Variants in GPC5 observed in about 807,000 individuals in gnomAD.
GPC5 encodes the protein glypican-5.
Under a neutral mutation model 53.9 loss-of-function variants are expected in GPC5, and 47 were observed. That is an observed-to-expected ratio of 0.87 (90% CI 0.69 to 1.11). The LOEUF (loss-of-function observed/expected upper bound fraction) is 1.11, where lower values mean the gene tolerates loss of function less well. Ranked by LOEUF, GPC5 falls within the 50% of genes most tolerant of loss-of-function variation. The pLI is 0.00. For synonymous variants in GPC5, 286 were observed against 263.3 expected, an observed-to-expected ratio of 1.09 and a Z score of -0.84; for missense variants, 748 against 713.1, an observed-to-expected ratio of 1.05 and a Z score of -0.56.
chr13:91,436,695 T>G (rs1276127019), intron 1 of GPC5, among the ~76,000 whole-genome samples: 2 of 152,224 alleles, frequency 1.3e-5, no homozygotes, highest in Non-Finnish European at 2.9e-5. Context: ...TGTAGATGTC[T>G]GTTAGGTCTG....
At chr13:92,842,782 T>C (rs1259325710) in intron 7 of GPC5, among the ~76,000 whole-genome samples, 1 of 151,852 alleles carries the variant, frequency 6.6e-6, no homozygotes, top group Non-Finnish European at 1.5e-5. Context: ...CAAAAACATC[T>C]GATGCCCTGA....
At chr13:92,539,759 A>G (rs1464524229) in intron 7 of GPC5, among the ~76,000 whole-genome samples, 4 of 151,712 alleles carry the variant, frequency 2.6e-5, no homozygotes, top group Non-Finnish European at 5.9e-5. Context: ...ACCTCTCTAT[A>G]TGCACTTACT....
intron 1 of GPC5, among the ~76,000 whole-genome samples, chr13:91,440,210 T>G (rs1880318818): frequency 6.6e-6 from 1 of 152,196 alleles, no homozygotes. Flanking sequence ...CCTCTGGGAC[T>G]CCAATCTTAC....
intron 7 of GPC5, among the ~76,000 whole-genome samples, chr13:92,169,481 CA>C (rs2139019019): frequency 6.6e-6 from 1 of 152,260 alleles, no homozygotes; most frequent in Admixed American, 6.5e-5. Context: ...CCTTTTATTT[CA>C]AAGACAGTGT....
intron 6 of GPC5, among the ~76,000 whole-genome samples, chr13:92,097,073 G>T (rs935449797): frequency 2.6e-5 from 4 of 152,172 alleles, no homozygotes; most frequent in Non-Finnish European, 5.9e-5. Flanking sequence ...TGTCTTAGAC[G>T]TATGAATGTT....
At chr13:91,582,790 A>C (rs918565633) in intron 2 of GPC5, among the ~76,000 whole-genome samples, 6 of 152,180 alleles carry the variant, frequency 3.9e-5, no homozygotes, top group African/African-American at 1.4e-4. Context: ...AGGCGGGCAG[A>C]TAACTTGAGG....
At chr13:92,115,604 G>A (rs944255829) in intron 6 of GPC5, among the ~76,000 whole-genome samples, 1 of 152,092 alleles carries the variant, frequency 6.6e-6, no homozygotes, top group South Asian at 2.1e-4. Context: ...AGTCCCTATA[G>A]CAACTCAATT....
At chr13:92,056,554 G>A (rs1158678229) in intron 6 of GPC5, among the ~76,000 whole-genome samples, 3 of 151,944 alleles carry the variant, frequency 2.0e-5, no homozygotes, top group Admixed American at 1.3e-4. Flanking sequence ...CTGTATATTT[G>A]GAAGAAAATA....
intron 7 of GPC5, among the ~76,000 whole-genome samples, chr13:92,660,345 T>C (rs962139363): frequency 6.6e-6 from 1 of 152,208 alleles, no homozygotes; most frequent in Middle Eastern, 3.4e-3. Flanking sequence ...AAATTATATA[T>C]GATTAATATG....
chr13:92,291,977 T>A (rs2042999954), intron 7 of GPC5, among the ~76,000 whole-genome samples: 1 of 152,208 alleles, frequency 6.6e-6, no homozygotes, highest in Non-Finnish European at 1.5e-5. Flanking sequence ...CTTTAAGAAC[T>A]GTAACACTCA....
intron 1 of GPC5, among the ~76,000 whole-genome samples, chr13:91,436,941 A>T: frequency 6.6e-6 from 1 of 152,118 alleles, no homozygotes; most frequent in Non-Finnish European, 1.5e-5. Context: ...CCATTATGTA[A>T]TGGCCTTCTT....
At chr13:92,185,327 C>CT (rs1175324460) in intron 7 of GPC5, among the ~76,000 whole-genome samples, 1 of 152,124 alleles carries the variant, frequency 6.6e-6, no homozygotes, top group Non-Finnish European at 1.5e-5. Flanking sequence ...GATCTTCATG[C>CT]TAGTATGGAC....
rs147738645 is a variant in GPC5 at position 92,851,012 on chromosome 13, G to C, written c.1562-15270G>C. Among the ~76,000 whole-genome samples, 267 of 152,210 alleles carry C rather than the reference G, an allele frequency of 1.8e-3. 1 individual carries two copies. Among genetic ancestry groups the C allele is most frequent in the African/African-American group, 3.8e-3 (157 of 41,524 alleles). On this transcript the variant is annotated intron_variant, in intron 7 of 7. Transcript: ENST00000377067. ...CATGGAGGCATCTAGCCCTGGGGAG[G>C]CCTCAGGAAACTTACAGACACAGCA...
At chr13:91,548,319 G>A (rs2030418706) in intron 2 of GPC5, among the ~76,000 whole-genome samples, 1 of 152,104 alleles carries the variant, frequency 6.6e-6, no homozygotes, top group Admixed American at 6.6e-5. Context: ...ATATATGTCA[G>A]CCATGAACAA....
intron 2 of GPC5, among the ~76,000 whole-genome samples, chr13:91,635,184 A>G (rs2061004462): frequency 6.6e-6 from 1 of 152,094 alleles, no homozygotes; most frequent in South Asian, 2.1e-4. Context: ...TCTGTTAGGT[A>G]TTTTAATGAA....
intron 7 of GPC5, among the ~76,000 whole-genome samples, chr13:92,238,022 C>T (rs987245891): frequency 6.6e-6 from 1 of 151,958 alleles, no homozygotes; most frequent in Non-Finnish European, 1.5e-5. Context: ...GGTGGAATAA[C>T]TTATTGTATG....
chr13:92,595,920 A>T (rs1566311032), intron 7 of GPC5, among the ~76,000 whole-genome samples: 1 of 152,208 alleles, frequency 6.6e-6, no homozygotes, highest in Non-Finnish European at 1.5e-5. Flanking sequence ...TCATCATAAA[A>T]TCAAAGTTGA....
intron 2 of GPC5, among the ~76,000 whole-genome samples, chr13:91,456,704 G>T (rs776424887): frequency 2.0e-5 from 3 of 151,806 alleles, no homozygotes; most frequent in Non-Finnish European, 1.5e-5. Context: ...TTTTTACCCC[G>T]TGGAACAAAC....
intron 5 of GPC5, among the ~76,000 whole-genome samples, chr13:91,797,854 G>T (rs2038071186): frequency 6.6e-6 from 1 of 152,182 alleles, no homozygotes; most frequent in South Asian, 2.1e-4. Context: ...GACATCAAAA[G>T]AGCACCGTGA....
Sources: gnomAD v4.1 joint callset for allele counts (sites outside exome capture counted in the v4.1 genomes callset) on GRCh38, gnomAD v4.1.1 for gene constraint, MANE v1.5 for transcripts, NCBI Gene and HGNC (gene_info 2026-07-23, HGNC 2026-07-21) for gene names.